CACNG1: variants seen among roughly 807,000 people sequenced by gnomAD.
The protein encoded by CACNG1 is voltage-dependent calcium channel gamma-1 subunit.
Under a neutral mutation model 22.0 loss-of-function variants are expected in CACNG1, and 21 were observed. The ratio of observed to expected loss-of-function variants is 0.95; its 90% CI spans 0.68 to 1.37. CACNG1 has a LOEUF of 1.37. Among genes scored for constraint, CACNG1 ranks in the 40% most tolerant of loss-of-function variants. CACNG1 has a pLI of 0.00. For missense variants in CACNG1, 291 were observed against 308.6 expected (o/e 0.94, Z 0.43); for synonymous variants, 127 against 129.2 (o/e 0.98, Z 0.12).
Position 67,056,293 on chromosome 17 carries a change from C to T in CACNG1, c.*22C>T. 2 of 1,606,116 alleles carry T rather than the reference C, an allele frequency of 1.2e-6. No individual in the cohort carries two copies. Among genetic ancestry groups the T allele is most frequent in the Non-Finnish European group, 1.7e-6 (2 of 1,173,648 alleles). On this transcript the variant is annotated 3_prime_UTR_variant, in exon 4 of 4. Coordinates refer to ENST00000226021, the MANE Select transcript of CACNG1 (RefSeq NM_000727.4). The surrounding 1 kb of genome is among the most constrained non-coding windows in gnomAD (Gnocchi z 4.3). ...CTAACCCTCCTGCGGCCCTAGCGAC[C>T]CTCAGGCTTCTTCCCCAGGAAGCGG...
chr17:67,056,512 T>C lies in CACNG1; in HGVS notation c.*241T>C. On this transcript the variant is annotated 3_prime_UTR_variant, in exon 4 of 4. Coordinates refer to ENST00000226021, the MANE Select transcript of CACNG1 (RefSeq NM_000727.4). This position sits in a 1 kb window ranked among gnomAD's most constrained non-coding sequence, Gnocchi z 4.3. The stretch of plus-strand genomic sequence containing the variant: ...AGTTGGGGGAGGCAGAGCCAGCAGG[T>C]GGACAGGTGTTTGCAGGGGCCCAAC... The C allele has an allele frequency of 1.8e-6, 1 of 561,128 alleles. No individual in the cohort carries two copies. Among genetic ancestry groups the C allele is most frequent in the Non-Finnish European group, 3.2e-6 (1 of 312,284 alleles). 34.8% of individuals were successfully genotyped at this position (561,128 alleles called of 1,614,324 possible).
rs890788440 is a variant in CACNG1, at chr17:67,054,539, C to T, written c.304+469C>T. ...CAGAGCTCAGACGCACACCCATTGT[C>T]GGGAGTACAGACCCGTGCCTGCCTG... On this transcript the variant is annotated intron_variant, in intron 2 of 3. Coordinates refer to ENST00000226021, the MANE Select transcript of CACNG1 (RefSeq NM_000727.4). The surrounding 1 kb of genome is among the most constrained non-coding windows in gnomAD (Gnocchi z 4.6). 2.6e-5 allele frequency among the ~76,000 whole-genome samples: 4 copies of T among 152,126 alleles called. No individual in the cohort carries two copies. Among genetic ancestry groups the T allele is most frequent in the African/African-American group, 7.2e-5 (3 of 41,406 alleles).
chr17:67,055,386 A>G lies in CACNG1; in HGVS notation c.442+146A>G, dbSNP rs2143421608. 1.1e-6 allele frequency: 1 copy of G among 888,158 alleles called. No individual in the cohort carries two copies. The allele number at this position is 888,158 out of a possible 1,614,324, so 55.0% of individuals were successfully genotyped here. A position where few individuals can be genotyped will look rare whatever the true frequency, so the allele number is the denominator to read the frequency against. On this transcript the variant is annotated intron_variant, in intron 3 of 3. Coordinates refer to ENST00000226021, the MANE Select transcript of CACNG1 (RefSeq NM_000727.4). This position sits in a 1 kb window ranked among gnomAD's most constrained non-coding sequence, Gnocchi z 4.5. The stretch of plus-strand genomic sequence containing the variant: ...ATCCAGGGGCAAACCTGGCCAGGCC[A>G]TCAGCGACTCCAGGTGGGTTGGAGG...
chr17:67,046,991 T>C (rs2035701213), intron 1 of CACNG1, among the ~76,000 whole-genome samples: 1 of 148,866 alleles, frequency 6.7e-6, no homozygotes, highest in Admixed American at 6.8e-5. Flanking sequence ...AATATGTTCC[T>C]GCCTTTTTCC....
rs1014199980 is a variant in CACNG1 at position 67,055,030 on chromosome 17, G to T, written c.305-73G>T. On this transcript the variant is annotated intron_variant, in intron 2 of 3. Transcript: ENST00000226021. This position sits in a 1 kb window ranked among gnomAD's most constrained non-coding sequence, Gnocchi z 4.5. Reference sequence around the variant, plus strand: ...ACTGACACACACACTGTGGTGCATGGTGTGGTCCCTAACGAGCCATGACAA... The same window carrying T: ...ACTGACACACACACTGTGGTGCATGTTGTGGTCCCTAACGAGCCATGACAA... The T allele has an allele frequency of 2.0e-6, 3 of 1,489,508 alleles. No individual in the cohort carries two copies. The highest frequency in any genetic ancestry group is 2.8e-5 in the African/African-American group (2 of 72,470). The allele number at this position is 1,489,508 out of a possible 1,614,324, so 92.3% of individuals were successfully genotyped here.
intron 1 of CACNG1, among the ~76,000 whole-genome samples, chr17:67,053,048 CCCCTCT>C (rs2035737087): frequency 6.6e-6 from 1 of 152,174 alleles, no homozygotes; most frequent in African/African-American, 2.4e-5. Context: ...CTGAGCCCCT[CCCCTCT>C]CCCTCATCAA....
chr17:67,050,067 C>G (rs1412108867), intron 1 of CACNG1, among the ~76,000 whole-genome samples: 1 of 152,246 alleles, frequency 6.6e-6, no homozygotes, highest in Non-Finnish European at 1.5e-5. Flanking sequence ...AAGAGGCCAT[C>G]CCCTGCCCTT....
In CACNG1 at chr17:67,055,987, G is replaced by A; in HGVS notation, c.443-58G>A. 5.6e-6 allele frequency: 8 copies of A among 1,419,154 alleles called. No individual in the cohort carries two copies. Among genetic ancestry groups the A allele is most frequent in the Non-Finnish European group, 7.9e-6 (8 of 1,019,078 alleles). The allele number at this position is 1,419,154 out of a possible 1,614,324, so 87.9% of individuals were successfully genotyped here. On this transcript the variant is annotated intron_variant, in intron 3 of 3. Transcript: ENST00000226021. This position sits in a 1 kb window ranked among gnomAD's most constrained non-coding sequence, Gnocchi z 4.5. ...CCTCCATGCACACAGGCTGGGATGG[G>A]GCTGGTGGCTACGGCAGACGCCCCT...
intron 1 of CACNG1, among the ~76,000 whole-genome samples, chr17:67,049,381 A>T (rs2035715121): frequency 6.6e-6 from 1 of 152,216 alleles, no homozygotes; most frequent in South Asian, 2.1e-4. Context: ...TTGACAAGGT[A>T]ACACAGGTGA....
At chr17:67,049,929 A>C (rs1206222028) in intron 1 of CACNG1, among the ~76,000 whole-genome samples, 1 of 152,238 alleles carries the variant, frequency 6.6e-6, no homozygotes, top group Non-Finnish European at 1.5e-5. Flanking sequence ...CTTAGACTCC[A>C]AACAGTCTTA....
In CACNG1 at chr17:67,055,988, G is replaced by A; in HGVS notation, c.443-57G>A. 1 of 1,424,088 alleles carries A rather than the reference G, an allele frequency of 7.0e-7. No individual in the cohort carries two copies. The highest frequency in any genetic ancestry group is 2.3e-5 in the East Asian group (1 of 43,950). 88.2% of individuals were successfully genotyped at this position (1,424,088 alleles called of 1,614,324 possible). On this transcript the variant is annotated intron_variant, in intron 3 of 3. Coordinates refer to ENST00000226021, the MANE Select transcript of CACNG1 (RefSeq NM_000727.4). The surrounding 1 kb of genome is among the most constrained non-coding windows in gnomAD (Gnocchi z 4.5). ...CTCCATGCACACAGGCTGGGATGGG[G>A]CTGGTGGCTACGGCAGACGCCCCTC...
At position 67,044,651 on chromosome 17, in the gene CACNG1, G is replaced by A. The variant is rs759433482; in HGVS notation, c.-10G>A. 27 of 1,592,264 alleles carry A rather than the reference G, an allele frequency of 1.7e-5. No homozygotes were observed. Among genetic ancestry groups the A allele is most frequent in the Middle Eastern group, 1.7e-4 (1 of 6,050 alleles). ...ACCCTGCCCAGGGCACCCACGCCTC[G>A]GCGACCACCATGTCCCAGACCAAAA... is the stretch of plus-strand genomic sequence containing the variant. On this transcript the variant is annotated 5_prime_UTR_variant, in exon 1 of 4. Transcript: ENST00000226021. The surrounding 1 kb of genome is among the most constrained non-coding windows in gnomAD (Gnocchi z 6.9).
In CACNG1 at chr17:67,054,357, T is replaced by C. The variant is rs955027844; in HGVS notation, c.304+287T>C. 4.0e-5 allele frequency among the ~76,000 whole-genome samples: 6 copies of C among 151,350 alleles called. No homozygotes were observed. Among genetic ancestry groups the C allele is most frequent in the African/African-American group, 1.5e-4 (6 of 41,144 alleles). On this transcript the variant is annotated intron_variant, in intron 2 of 3. Transcript: ENST00000226021. The surrounding 1 kb of genome is among the most constrained non-coding windows in gnomAD (Gnocchi z 4.6). ...CAAGGGCAGCTGTTGTGACGGGAGG[T>C]GTGGATGTGGAACAAATGCTCAGAA... is the stretch of plus-strand genomic sequence containing the variant.
chr17:67,044,574 T>G lies in CACNG1; in HGVS notation c.-87T>G. The G allele has an allele frequency of 1.2e-6, 1 of 848,700 alleles. No individual in the cohort carries two copies. The highest frequency in any genetic ancestry group is 1.9e-6 in the Non-Finnish European group (1 of 517,988). The allele number at this position is 848,700 out of a possible 1,614,324, so 52.6% of individuals were successfully genotyped here. ...TGGCCACTCCCAGCTCGACAACCAC[T>G]GCCACCCCCCAAGCTCGGCTTGTCA... On this transcript the variant is annotated 5_prime_UTR_variant, in exon 1 of 4. Coordinates refer to ENST00000226021, the MANE Select transcript of CACNG1 (RefSeq NM_000727.4). This position sits in a 1 kb window ranked among gnomAD's most constrained non-coding sequence, Gnocchi z 6.9.
chr17:67,047,328 G>T (rs1472682741), intron 1 of CACNG1, among the ~76,000 whole-genome samples: 1 of 152,312 alleles, frequency 6.6e-6, no homozygotes, highest in East Asian at 1.9e-4. Flanking sequence ...ATTAACCAAA[G>T]TCTTGCAGCA....
Position 67,055,971 on chromosome 17 carries a change from A to C in CACNG1, c.443-74A>C, listed in dbSNP as rs1441618482. 7.8e-7 allele frequency: 1 copy of C among 1,276,970 alleles called. No individual in the cohort carries two copies. Among genetic ancestry groups the C allele is most frequent in the East Asian group, 2.3e-5 (1 of 43,130 alleles). 79.1% of individuals were successfully genotyped at this position (1,276,970 alleles called of 1,614,324 possible). ...GGCAAGGTCACCGCCTCCTCCATGC[A>C]CACAGGCTGGGATGGGGCTGGTGGC... is the stretch of plus-strand genomic sequence containing the variant. On this transcript the variant is annotated intron_variant, in intron 3 of 3. Transcript: ENST00000226021. The surrounding 1 kb of genome is among the most constrained non-coding windows in gnomAD (Gnocchi z 4.5).
In CACNG1 at chr17:67,044,840, C is replaced by T. The variant is rs1273645137; in HGVS notation, c.180C>T (p.Arg60=). 4 of 1,613,390 alleles carry T rather than the reference C, an allele frequency of 2.5e-6. No individual in the cohort carries two copies. Among genetic ancestry groups the T allele is most frequent in the Non-Finnish European group, 3.4e-6 (4 of 1,180,046 alleles). The change falls in exon 1 of 4, where the codon CGC becomes CGT. Residue 60 remains arginine, a synonymous_variant. Coordinates refer to ENST00000226021, the MANE Select transcript of CACNG1 (RefSeq NM_000727.4). The surrounding 1 kb of genome is among the most constrained non-coding windows in gnomAD (Gnocchi z 6.9). ...HFGLWRICTK[R]IPMDDSKTCG... is the part of the protein sequence containing the mutation. ...GCCTCTGGCGGATTTGTACCAAGCG[C>T]ATCCCCATGGACGACAGCAAGACCT...
Position 67,044,590 on chromosome 17 carries a change from C to G in CACNG1, c.-71C>G. 9.9e-7 allele frequency: 1 copy of G among 1,007,044 alleles called. No individual in the cohort carries two copies. The highest frequency in any genetic ancestry group is 2.4e-5 in the East Asian group (1 of 41,734). 62.4% of individuals were successfully genotyped at this position (1,007,044 alleles called of 1,614,324 possible). On this transcript the variant is annotated 5_prime_UTR_variant, in exon 1 of 4. Transcript: ENST00000226021. This position sits in a 1 kb window ranked among gnomAD's most constrained non-coding sequence, Gnocchi z 6.9. Reference sequence around the variant, plus strand: ...GACAACCACTGCCACCCCCCAAGCTCGGCTTGTCACCTGCCCTAGGAGACG... The same window carrying G: ...GACAACCACTGCCACCCCCCAAGCTGGGCTTGTCACCTGCCCTAGGAGACG...
At position 67,054,286 on chromosome 17, in the gene CACNG1, G is replaced by A. The variant is rs1012113822; in HGVS notation, c.304+216G>A. ...GGGCCCGGAGCTTCCACACCTCGGG[G>A]CCAGGGAGCGTTTGCAGAAGCAGCA... On this transcript the variant is annotated intron_variant, in intron 2 of 3. Coordinates refer to ENST00000226021, the MANE Select transcript of CACNG1 (RefSeq NM_000727.4). The surrounding 1 kb of genome is among the most constrained non-coding windows in gnomAD (Gnocchi z 4.6). 2.0e-5 allele frequency among the ~76,000 whole-genome samples: 3 copies of A among 152,180 alleles called. No homozygotes were observed. Among genetic ancestry groups the A allele is most frequent in the Non-Finnish European group, 4.4e-5 (3 of 68,032 alleles).
Sources: gnomAD v4.1 joint callset for allele counts (sites outside exome capture counted in the v4.1 genomes callset) on GRCh38, gnomAD v4.1.1 for gene constraint, Gnocchi (gnomAD v3.1) non-coding constraint, MANE v1.5 for transcripts, NCBI Gene and HGNC (gene_info 2026-07-23, HGNC 2026-07-21) for gene names.